Variants in MAPK14 observed in about 807,000 individuals in gnomAD.
The protein encoded by MAPK14 is mitogen-activated protein kinase 14, also known as CSAID-binding protein.
Under a neutral mutation model 49.6 loss-of-function variants are expected in MAPK14, and 16 were observed. That is an observed-to-expected ratio of 0.32 (90% CI 0.22 to 0.49). The LOEUF (loss-of-function observed/expected upper bound fraction) is 0.49, where lower values mean the gene tolerates loss of function less well. Among genes scored for constraint, MAPK14 ranks in the 20% least tolerant of loss-of-function variants. MAPK14 has a pLI of 0.99. For synonymous variants in MAPK14, 142 were observed against 158.0 expected, an observed-to-expected ratio of 0.90 and a Z score of 0.76; for missense variants, 200 against 441.2, an observed-to-expected ratio of 0.45 and a Z score of 4.90.
At position 36,028,128 on chromosome 6, in the gene MAPK14, A is replaced by T. The variant is rs763402427; in HGVS notation, c.-30A>T. On this transcript the variant is annotated 5_prime_UTR_variant, in exon 1 of 12. Coordinates refer to ENST00000229794, the MANE Select transcript of MAPK14 (RefSeq NM_139012.3). This position sits in a 1 kb window ranked among gnomAD's most constrained non-coding sequence, Gnocchi z 5.1. ...GTGCAGGCGGGGGCCCCACAGGGCC[A>T]CCTTCTTGCCCGGCGGCTGCCGCTG... is the stretch of plus-strand genomic sequence containing the variant. The T allele has an allele frequency of 9.4e-5, 145 of 1,537,394 alleles. No individual in the cohort carries two copies. Among genetic ancestry groups the T allele is most frequent in the Non-Finnish European group, 1.3e-4 (140 of 1,114,372 alleles).
chr6:36,059,039 G>A (rs1349303152), intron 2 of MAPK14, among the ~76,000 whole-genome samples: 3 of 151,920 alleles, frequency 2.0e-5, no homozygotes, highest in Non-Finnish European at 4.4e-5. Context: ...ACAGGCGCCC[G>A]CCACCACACC....
chr6:36,057,245 T>C (rs1007873360), intron 2 of MAPK14, among the ~76,000 whole-genome samples: 3 of 152,220 alleles, frequency 2.0e-5, no homozygotes, highest in African/African-American at 7.2e-5. Context: ...ATGATAGATA[T>C]GCTGTATACA....
At chr6:36,102,485 C>G in intron 9 of MAPK14, 86 bp from the exon 10 acceptor site, 1 of 1,009,548 alleles carries the variant, frequency 9.9e-7, no homozygotes, top group Non-Finnish European at 1.6e-6. Flanking sequence ...TCAGTTAACA[C>G]TCGTTCCTTA....
intron 8 of MAPK14, among the ~76,000 whole-genome samples, 197 bp from the exon 9 acceptor site, chr6:36,095,790 T>C (rs1210529229): frequency 1.3e-5 from 2 of 152,118 alleles, no homozygotes; most frequent in East Asian, 3.8e-4. Flanking sequence ...TGAATCTTTG[T>C]ACAGGAGGAG....
At chr6:36,082,968 A>G (rs1417426778) in intron 8 of MAPK14, among the ~76,000 whole-genome samples, 1 of 152,154 alleles carries the variant, frequency 6.6e-6, no homozygotes, top group Non-Finnish European at 1.5e-5. Context: ...TTTTGTAATT[A>G]GTCTCCTTCT....
At chr6:36,123,901 C>G in the MAPK14 span, among the ~76,000 whole-genome samples, 6 of 151,912 alleles carry the variant, frequency 3.9e-5, no homozygotes, top group African/African-American at 1.4e-4. Context: ...GAGTGTGGAC[C>G]GGATGGTGTG....
chr6:36,088,737 A>G (rs1477581199), intron 8 of MAPK14, among the ~76,000 whole-genome samples: 1 of 151,986 alleles, frequency 6.6e-6, no homozygotes, highest in Non-Finnish European at 1.5e-5. Flanking sequence ...AAAAAAAAAA[A>G]TATTGGCAAA....
At chr6:36,073,800 T>C in intron 5 of MAPK14, 80 bp downstream of exon 5, 1 of 1,396,620 alleles carries the variant, frequency 7.2e-7, no homozygotes, top group South Asian at 1.2e-5. Flanking sequence ...AAGATCCTAA[T>C]CTAAACTTTA....
intron 1 of MAPK14, among the ~76,000 whole-genome samples, chr6:36,041,964 T>A (rs1395034330): frequency 6.6e-6 from 1 of 152,186 alleles, no homozygotes; most frequent in Non-Finnish European, 1.5e-5. Context: ...TATGGTTTTA[T>A]GGAGCAGAAA....
chr6:36,027,887 G>A lies in MAPK14; in HGVS notation c.-271G>A, dbSNP rs1229205078. ...GAGTCGGCCTTGTAGGGGCGAAGGT[G>A]CAGGGAGATCGCGGCGGGCGCAGTC... On this transcript the variant is annotated 5_prime_UTR_variant, in exon 1 of 12. Coordinates refer to ENST00000229794, the MANE Select transcript of MAPK14 (RefSeq NM_139012.3). 1.9e-5 allele frequency: 8 copies of A among 413,678 alleles called. No individual in the cohort carries two copies. The highest frequency in any genetic ancestry group is 2.5e-5 in the Non-Finnish European group (6 of 237,080). 25.6% of individuals were successfully genotyped at this position (413,678 alleles called of 1,614,324 possible). A position where few individuals can be genotyped will look rare whatever the true frequency, so the allele number is the denominator to read the frequency against.
chr6:36,073,104 A>AG, intron 4 of MAPK14, 120 bp downstream of exon 4: 1 of 703,312 alleles, frequency 1.4e-6, no homozygotes, highest in Non-Finnish European at 2.5e-6. Flanking sequence ...ATAAAATCAC[A>AG]GGTAAAGGTC....
At chr6:36,032,876 C>A (rs1762595191) in intron 1 of MAPK14, among the ~76,000 whole-genome samples, 1 of 152,086 alleles carries the variant, frequency 6.6e-6, no homozygotes, top group Non-Finnish European at 1.5e-5. Context: ...GCTAAGAAAT[C>A]AAATACAACT....
chr6:36,113,805 A>G (rs781522539), downstream of MAPK14, among the ~76,000 whole-genome samples: 4 of 152,196 alleles, frequency 2.6e-5, no homozygotes, highest in Non-Finnish European at 4.4e-5. Flanking sequence ...CTGGGGAACC[A>G]TTCTCAAATT....
chr6:36,089,355 G>GAA (rs971404212), intron 8 of MAPK14, among the ~76,000 whole-genome samples: 66 of 152,252 alleles, frequency 4.3e-4, no homozygotes, highest in African/African-American at 1.5e-3. Flanking sequence ...ACATGGAGGA[G>GAA]AACAACACAC....
intron 6 of MAPK14, among the ~76,000 whole-genome samples, chr6:36,075,412 T>C (rs1356582954): frequency 6.6e-6 from 1 of 152,118 alleles, no homozygotes; most frequent in Non-Finnish European, 1.5e-5. Context: ...TGGCCTTTGC[T>C]TGGTGTAATG....
intron 1 of MAPK14, among the ~76,000 whole-genome samples, chr6:36,050,823 A>G (rs1763367405): frequency 6.6e-6 from 1 of 152,304 alleles, no homozygotes; most frequent in Non-Finnish European, 1.5e-5. Context: ...CTATAAGAGA[A>G]GCAGTGTCTT....
chr6:36,073,486 T>G (rs1209072818), intron 4 of MAPK14, among the ~76,000 whole-genome samples: 1 of 152,184 alleles, frequency 6.6e-6, no homozygotes, highest in Non-Finnish European at 1.5e-5. Flanking sequence ...AGAAAATAGA[T>G]TAAAAGCTCA....
chr6:36,118,973 A>G, the MAPK14 span, among the ~76,000 whole-genome samples: 1 of 152,240 alleles, frequency 6.6e-6, no homozygotes, highest in Non-Finnish European at 1.5e-5. Flanking sequence ...AGCACTTACC[A>G]CATTACTTTG....
chr6:36,059,489 G>A, intron 3 of MAPK14, 142 bp downstream of exon 3: 6 of 661,576 alleles, frequency 9.1e-6, no homozygotes, highest in Middle Eastern at 2.8e-4. Flanking sequence ...GTGTAGGGAT[G>A]GATACCAGAA....
Sources: allele counts gnomAD v4.1 joint callset (sites outside exome capture counted in the v4.1 genomes callset), GRCh38; gene constraint gnomAD v4.1.1; non-coding constraint Gnocchi (gnomAD v3.1); transcripts MANE v1.5; gene names NCBI Gene and HGNC (gene_info 2026-07-23, HGNC 2026-07-21).